The following SYNPO2 variants were observed in gnomAD, a reference collection of about 807,000 sequenced individuals.
SYNPO2 encodes synaptopodin 2.
In SYNPO2, 56 loss-of-function variants were observed where a neutral mutation model predicts 85.0. The observed-to-expected ratio is 0.66, with a 90% CI of 0.53 to 0.82. The LOEUF is 0.82. SYNPO2 is among the 40% of genes least tolerant of loss of function. The probability of loss-of-function intolerance (pLI) is 0.00; values close to 1 mark genes in which losing one functional copy is unlikely to be tolerated. For missense variants in SYNPO2, 1,575 were observed against 1,534.2 expected, an observed-to-expected ratio of 1.03 and a Z score of -0.44; for synonymous variants, 602 against 591.1, an observed-to-expected ratio of 1.02 and a Z score of -0.27.
intron 1 of SYNPO2, among the ~76,000 whole-genome samples, chr4:118,940,314 G>A (rs1177203872): frequency 2.6e-5 from 4 of 151,946 alleles, no homozygotes; most frequent in African/African-American, 4.8e-5. Context: ...AGCTCTCAGC[G>A]TTTCTGTCAG....
At chr4:118,877,170 C>T (rs974559945) in intron 1 of SYNPO2, among the ~76,000 whole-genome samples, 12 of 152,150 alleles carry the variant, frequency 7.9e-5, no homozygotes, top group Middle Eastern at 3.4e-3. Context: ...TTTCAGTTTG[C>T]TCAAGAATCT....
At chr4:119,007,792 A>T (rs1271482534) in intron 1 of SYNPO2, among the ~76,000 whole-genome samples, 2 of 152,194 alleles carry the variant, frequency 1.3e-5, no homozygotes, top group African/African-American at 4.8e-5. Context: ...GAACCGACAA[A>T]ACATTTACTT....
At chr4:118,993,495 G>T (rs535214807) in intron 1 of SYNPO2, among the ~76,000 whole-genome samples, 1 of 152,334 alleles carries the variant, frequency 6.6e-6, no homozygotes, top group African/African-American at 2.4e-5. Context: ...TTGTTAATGT[G>T]TCTGTGTGAG....
chr4:118,898,102 A>C (rs1273906176), intron 1 of SYNPO2, among the ~76,000 whole-genome samples: 1 of 152,122 alleles, frequency 6.6e-6, no homozygotes, highest in African/African-American at 2.4e-5. Context: ...CTTCTTGAAA[A>C]CTATGGCATG....
intron 1 of SYNPO2, among the ~76,000 whole-genome samples, chr4:118,858,861 A>G (rs1033755165): frequency 2.0e-5 from 3 of 152,342 alleles, no homozygotes; most frequent in Middle Eastern, 3.4e-3. Context: ...GTTAATATGT[A>G]AGTCACTAAA....
chr4:119,002,543 G>C (rs562487733), intron 1 of SYNPO2, among the ~76,000 whole-genome samples: 53 of 152,236 alleles, frequency 3.5e-4, no homozygotes, highest in African/African-American at 1.3e-3. Flanking sequence ...CACTGTGCTG[G>C]GCCAATGTCA....
chr4:119,023,490 A>G lies in SYNPO2; in HGVS notation c.166A>G (p.Ile56Val). The change falls in exon 2 of 5, where the codon ATC (isoleucine) becomes GTC (valine). Residue 56 changes from isoleucine (I) to valine (V), a missense_variant. Physicochemically the swap from Ile to Val is conservative, Grantham distance 29. Coordinates refer to ENST00000307142, the MANE Select transcript of SYNPO2 (RefSeq NM_133477.3). The stretch of plus-strand genomic sequence containing the variant: ...CTGTGAGGGAGATGAAGTGGTTTCC[A>G]TCAATGGCAACCCTTGTGCAGATCT... ...GLCEGDEVVS[I>V]NGNPCADLTY... The G allele has an allele frequency of 6.2e-7, 1 of 1,613,940 alleles. No homozygotes were observed. The highest frequency in any genetic ancestry group is 8.5e-7 in the Non-Finnish European group (1 of 1,179,902).
intron 1 of SYNPO2, among the ~76,000 whole-genome samples, chr4:118,990,794 A>G (rs1736388931): frequency 6.6e-6 from 1 of 152,086 alleles, no homozygotes; most frequent in Non-Finnish European, 1.5e-5. Flanking sequence ...TTCTTAGTAG[A>G]GATGGGGTTT....
At chr4:118,952,204 G>A (rs920222380) in intron 1 of SYNPO2, among the ~76,000 whole-genome samples, 2 of 152,132 alleles carry the variant, frequency 1.3e-5, no homozygotes, top group African/African-American at 4.8e-5. Flanking sequence ...AATTACAGAC[G>A]ATGTATGCAA....
chr4:119,031,322 A>G lies in SYNPO2; in HGVS notation c.2547A>G (p.Pro849=). ...NYTPKPTVST[P]TVNAVQPGAV... is the part of the protein sequence containing the mutation. ...CACCCAAACCAACAGTTTCCACACC[A>G]ACAGTCAATGCTGTTCAGCCTGGTG... Residue 849 remains proline (P), a synonymous_variant, in exon 4 of 5, where the codon CCA becomes CCG. Coordinates refer to ENST00000307142, the MANE Select transcript of SYNPO2 (RefSeq NM_133477.3). 6.2e-7 allele frequency: 1 copy of G among 1,614,152 alleles called. No homozygotes were observed. The highest frequency in any genetic ancestry group is 8.5e-7 in the Non-Finnish European group (1 of 1,180,026).
intron 1 of SYNPO2, among the ~76,000 whole-genome samples, chr4:118,860,777 G>A (rs960259539): frequency 2.6e-5 from 4 of 151,918 alleles, no homozygotes; most frequent in East Asian, 1.9e-4. Context: ...GGATGGTTTC[G>A]ATCTCTTGAC....
At chr4:118,911,097 T>TTA (rs1473402419) in intron 1 of SYNPO2, among the ~76,000 whole-genome samples, 1 of 152,226 alleles carries the variant, frequency 6.6e-6, no homozygotes, top group African/African-American at 2.4e-5. Flanking sequence ...ATAAAAGATC[T>TTA]TTAATAAGTA....
At chr4:119,037,564 T>G in intron 4 of SYNPO2, 8 of 990,390 alleles carry the variant, frequency 8.1e-6, no homozygotes, top group Non-Finnish European at 9.6e-6. Flanking sequence ...TCAAGCATTT[T>G]GGTTCAAGTC....
At chr4:118,927,631 A>G (rs1382087601) in intron 1 of SYNPO2, among the ~76,000 whole-genome samples, 3 of 152,162 alleles carry the variant, frequency 2.0e-5, no homozygotes, top group African/African-American at 7.2e-5. Flanking sequence ...AGTGTTGAAT[A>G]TTTAATGTCC....
intron 1 of SYNPO2, among the ~76,000 whole-genome samples, chr4:119,022,720 T>A (rs201639422): frequency 0.023 from 1,666 of 72,006 alleles, 36 homozygotes; most frequent in African/African-American, 0.07. Context: ...TTTTATTTTA[T>A]TTTAATTTTA....
intron 4 of SYNPO2, chr4:119,035,928 G>A (rs1268719499): frequency 5.1e-6 from 5 of 985,094 alleles, no homozygotes; most frequent in South Asian, 4.7e-5. Context: ...AAGGTCATTC[G>A]GCTGCTAAGA....
intron 1 of SYNPO2, among the ~76,000 whole-genome samples, chr4:118,876,659 C>T (rs1248899833): frequency 6.8e-6 from 1 of 146,720 alleles, no homozygotes; most frequent in Non-Finnish European, 1.5e-5. Context: ...TCCTTCCTTC[C>T]TTCCTTTCTC....
chr4:118,901,665 A>G (rs544655973), intron 1 of SYNPO2, among the ~76,000 whole-genome samples: 2 of 152,378 alleles, frequency 1.3e-5, no homozygotes, highest in East Asian at 3.9e-4. Flanking sequence ...AATTATATGG[A>G]AATTCACTTA....
In SYNPO2 at chr4:119,057,892, C is replaced by T. The variant is rs147691876; in HGVS notation, c.3744C>T (p.Tyr1248=). ...ATTACTGTCTTCCAGTAGCTGATTA[C>T]AACTACAACCCACACCCAAGGGGAT... is the stretch of plus-strand genomic sequence containing the variant. ...RSDYCLPVAD[Y]NYNPHPRGWR... Residue 1248 remains tyrosine (Y), a synonymous_variant, in exon 5 of 5, where the codon TAC becomes TAT. Transcript: ENST00000307142. 2,090 of 1,614,048 alleles carry T rather than the reference C, an allele frequency of 1.3e-3. 8 individuals are homozygous for T. The highest frequency in any genetic ancestry group is 5.4e-3 in the Middle Eastern group (33 of 6,062).
Sources: allele counts gnomAD v4.1 joint callset (sites outside exome capture counted in the v4.1 genomes callset), GRCh38; gene constraint gnomAD v4.1.1; transcripts MANE v1.5; gene names NCBI Gene and HGNC (gene_info 2026-07-23, HGNC 2026-07-21).